The following NBEA variants were observed in gnomAD, a reference collection of about 807,000 sequenced individuals.
The protein encoded by NBEA is lysosomal-trafficking regulator 2.
Under a neutral mutation model 343.4 loss-of-function variants are expected in NBEA, and 44 were observed. The observed-to-expected ratio is 0.13, with a 90% CI of 0.10 to 0.16. The LOEUF is 0.16. NBEA is among the 10% of genes least tolerant of loss of function. The pLI is 1.00. For missense variants in NBEA, 2,555 were observed against 3,631.3 expected (o/e 0.70, Z 7.62); for synonymous variants, 1,175 against 1,238.7 (o/e 0.95, Z 1.08).
intron 36 of NBEA, among the ~76,000 whole-genome samples, chr13:35,312,326 A>G (rs1272363821): frequency 6.6e-6 from 1 of 152,170 alleles, no homozygotes; most frequent in South Asian, 2.1e-4. Context: ...TTGAGAGATC[A>G]TTAGGAGACA....
At chr13:35,181,088 G>A (rs1435850180) in intron 28 of NBEA, among the ~76,000 whole-genome samples, 2 of 151,882 alleles carry the variant, frequency 1.3e-5, no homozygotes, top group Non-Finnish European at 2.9e-5. Context: ...GGGCATTTGT[G>A]CTGGTTCCAC....
intron 41 of NBEA, among the ~76,000 whole-genome samples, chr13:35,508,301 C>T (rs554228964): frequency 6.6e-6 from 1 of 151,992 alleles, no homozygotes; most frequent in Admixed American, 6.6e-5. Context: ...AAGAATCAGA[C>T]CAGAGAGGGA....
chr13:35,104,485 G>A (rs2065817722), intron 11 of NBEA, among the ~76,000 whole-genome samples: 1 of 151,914 alleles, frequency 6.6e-6, no homozygotes, highest in Non-Finnish European at 1.5e-5. Context: ...GTTGAATTGA[G>A]TATATGAAAA....
intron 41 of NBEA, among the ~76,000 whole-genome samples, chr13:35,512,988 T>C (rs2077338389): frequency 6.6e-6 from 1 of 152,196 alleles, no homozygotes; most frequent in Non-Finnish European, 1.5e-5. Flanking sequence ...AGGTTATTGT[T>C]GAAGACATTA....
At chr13:35,109,245 G>C (rs192540823) in intron 11 of NBEA, 45 bp from the exon 12 acceptor site, 2 of 1,481,618 alleles carry the variant, frequency 1.3e-6, no homozygotes, top group Admixed American at 2.2e-5. Flanking sequence ...TATACAATTT[G>C]ATATTCTGGA....
intron 38 of NBEA, among the ~76,000 whole-genome samples, chr13:35,355,504 T>C (rs1335425040): frequency 1.3e-5 from 2 of 152,184 alleles, no homozygotes; most frequent in Non-Finnish European, 2.9e-5. Flanking sequence ...CACATGTGGC[T>C]GGTGGCTACC....
At chr13:35,619,413 A>G (rs1307271496) in intron 48 of NBEA, among the ~76,000 whole-genome samples, 1 of 152,056 alleles carries the variant, frequency 6.6e-6, no homozygotes, top group Middle Eastern at 3.2e-3. Context: ...GGAGACCCAT[A>G]TGGCTCAGTG....
intron 34 of NBEA, among the ~76,000 whole-genome samples, chr13:35,283,038 TTAGAG>T (rs2035160542): frequency 6.6e-6 from 1 of 152,136 alleles, no homozygotes; most frequent in Non-Finnish European, 1.5e-5. Context: ...GATAATGCCA[TTAGAG>T]TATTCTCTTC....
At chr13:35,458,711 A>G (rs1440696754) in intron 40 of NBEA, among the ~76,000 whole-genome samples, 1 of 152,180 alleles carries the variant, frequency 6.6e-6, no homozygotes, top group East Asian at 1.9e-4. Flanking sequence ...AGGAACAGCT[A>G]AAGTTAAGCT....
At chr13:35,417,864 G>T (rs2044023910) in intron 38 of NBEA, among the ~76,000 whole-genome samples, 1 of 152,094 alleles carries the variant, frequency 6.6e-6, no homozygotes. Flanking sequence ...TATTGTGTGG[G>T]ATTTTAAGTC....
Position 35,208,825 on chromosome 13 carries a change from C to G in NBEA, c.5492C>G (p.Ala1831Gly). Residue 1831 changes from alanine (A) to glycine (G), a missense_variant, in exon 32 of 59, where the codon GCT becomes GGT. Transcript: ENST00000379939. ...TCTAATATATTTGCTGCTACTGGAG[C>G]TACACCAAAAAGTATGATTAATACA... ...STSNIFAATG[A>G]TPKSMINTTG... 1 of 1,604,938 alleles carries G rather than the reference C, an allele frequency of 6.2e-7. No homozygotes were observed. Among genetic ancestry groups the G allele is most frequent in the South Asian group, 1.1e-5 (1 of 89,622 alleles).
intron 41 of NBEA, among the ~76,000 whole-genome samples, chr13:35,504,750 A>T (rs1370173581): frequency 6.6e-6 from 1 of 151,952 alleles, no homozygotes; most frequent in African/African-American, 2.4e-5. Flanking sequence ...CTGGGATTAT[A>T]GGCGTGCCCC....
chr13:35,587,565 G>A (rs2153040730), intron 46 of NBEA, among the ~76,000 whole-genome samples: 1 of 152,222 alleles, frequency 6.6e-6, no homozygotes, highest in Non-Finnish European at 1.5e-5. Context: ...TGGGTTGTTT[G>A]GAGAATTAAA....
intron 36 of NBEA, among the ~76,000 whole-genome samples, chr13:35,344,312 G>A (rs2039752068): frequency 6.6e-6 from 1 of 151,844 alleles, no homozygotes; most frequent in Non-Finnish European, 1.5e-5. Flanking sequence ...TGAGAGAAAA[G>A]CCTAAAATTA....
chr13:35,607,684 C>T (rs2082332852), intron 48 of NBEA, among the ~76,000 whole-genome samples: 1 of 152,090 alleles, frequency 6.6e-6, no homozygotes, highest in African/African-American at 2.4e-5. Flanking sequence ...TTCACATATT[C>T]CTTAATCCTC....
intron 1 of NBEA, among the ~76,000 whole-genome samples, chr13:35,004,954 T>C (rs534268452): frequency 4.1e-4 from 62 of 152,314 alleles, no homozygotes; most frequent in African/African-American, 1.4e-3. Context: ...AAGACATGAT[T>C]TAATGTTTTA....
At chr13:35,440,816 T>C (rs1168181695) in intron 39 of NBEA, among the ~76,000 whole-genome samples, 1 of 151,322 alleles carries the variant, frequency 6.6e-6, no homozygotes, top group Admixed American at 6.6e-5. Context: ...TACTCTACAG[T>C]GTGTTGTAGT....
intron 1 of NBEA, among the ~76,000 whole-genome samples, chr13:34,983,888 G>GT (rs2060450816): frequency 6.6e-6 from 1 of 152,058 alleles, no homozygotes; most frequent in Non-Finnish European, 1.5e-5. Context: ...TTGTAAATTT[G>GT]TTTAAGTTCT....
chr13:35,125,679 A>T (rs896733910), intron 17 of NBEA, among the ~76,000 whole-genome samples: 2 of 152,228 alleles, frequency 1.3e-5, no homozygotes, highest in Non-Finnish European at 2.9e-5. Context: ...GAATTGGCAC[A>T]TCATCAGTGC....
Sources: gnomAD v4.1 joint callset for allele counts (sites outside exome capture counted in the v4.1 genomes callset) on GRCh38, gnomAD v4.1.1 for gene constraint, MANE v1.5 for transcripts, NCBI Gene and HGNC (gene_info 2026-07-23, HGNC 2026-07-21) for gene names.